SUCO: variants seen among roughly 807,000 people sequenced by gnomAD.
SUCO encodes the protein SUN domain containing ossification factor, also known as SUN domain-containing ossification factor.
SUCO carries 57 observed loss-of-function variants against 148.1 expected under a neutral mutation model. The observed-to-expected ratio is 0.38, with a 90% CI of 0.31 to 0.48. SUCO has a LOEUF of 0.48. Ranked by LOEUF, SUCO falls within the 20% of genes least tolerant of loss-of-function variation. SUCO has a pLI of 0.96. For synonymous variants in SUCO, 470 were observed against 502.7 expected (o/e 0.93, Z 0.87); for missense variants, 1,331 against 1,468.2 (o/e 0.91, Z 1.53).
At chr1:172,583,529 C>G (rs1656027894) in intron 15 of SUCO, among the ~76,000 whole-genome samples, 1 of 152,126 alleles carries the variant, frequency 6.6e-6, no homozygotes, top group African/African-American at 2.4e-5. Flanking sequence ...GGATGAGCTC[C>G]AGGCAGCACT....
chr1:172,589,735 A>G lies in SUCO; in HGVS notation c.2634A>G (p.Arg878=), dbSNP rs1656502081. 1 of 1,612,268 alleles carries G rather than the reference A, an allele frequency of 6.2e-7. No individual in the cohort carries two copies. Among genetic ancestry groups the G allele is most frequent in the African/African-American group, 1.3e-5 (1 of 74,800 alleles). Residue 878 remains arginine (R), a synonymous_variant, in exon 18 of 24, where the codon AGA becomes AGG. Coordinates refer to ENST00000263688, the MANE Select transcript of SUCO (RefSeq NM_014283.5). ...EEQSPEDALL[R]GLQRTATDFY... ...AGTCTCCAGAAGATGCCCTTTTGAG[A>G]GGGTTACAGAGGACAGCTACAGATT...
At chr1:172,596,210 G>T (rs1475228524) in intron 19 of SUCO, among the ~76,000 whole-genome samples, 2 of 152,146 alleles carry the variant, frequency 1.3e-5, no homozygotes, top group African/African-American at 2.4e-5. Context: ...TAGCTTCTTT[G>T]TGATGGGTTT....
At chr1:172,586,128 A>G (rs755078130) in intron 17 of SUCO, among the ~76,000 whole-genome samples, 180 bp downstream of exon 17, 28 of 151,958 alleles carry the variant, frequency 1.8e-4, no homozygotes, top group Non-Finnish European at 2.6e-4. Context: ...ATTAGTGTAT[A>G]TGCATACTGG....
At chr1:172,552,833 G>A (rs1018984022) in intron 2 of SUCO, 2 of 163,540 alleles carry the variant, frequency 1.2e-5, no homozygotes, top group Admixed American at 1.3e-4. Context: ...ATAGGCTCAG[G>A]TAAACAAAGA....
chr1:172,596,928 G>C (rs1446663777), intron 19 of SUCO, among the ~76,000 whole-genome samples: 3 of 152,200 alleles, frequency 2.0e-5, no homozygotes, highest in Admixed American at 2.0e-4. Context: ...AGCTGCGCTG[G>C]GCTCCACCCA....
intron 19 of SUCO, among the ~76,000 whole-genome samples, chr1:172,594,205 T>C (rs1656900384): frequency 6.6e-6 from 1 of 151,982 alleles, no homozygotes; most frequent in Admixed American, 6.6e-5. Flanking sequence ...ATCAATTTTG[T>C]TGATCTTTTC....
upstream of SUCO, chr1:172,532,969 T>A: frequency 1.5e-6 from 2 of 1,366,294 alleles, no homozygotes; most frequent in Non-Finnish European, 1.9e-6. Flanking sequence ...GAAGGGGGCG[T>A]GGCCTGCGCA....
At chr1:172,578,162 G>T in intron 13 of SUCO, 136 bp from the exon 14 acceptor site, 2 of 668,836 alleles carry the variant, frequency 3.0e-6, no homozygotes, top group Non-Finnish European at 5.3e-6. Context: ...AATGTAAGGA[G>T]CAGCCATTAT....
intron 1 of SUCO, among the ~76,000 whole-genome samples, chr1:172,533,718 GGA>G (rs1491390805): frequency 6.6e-6 from 1 of 152,114 alleles, no homozygotes; most frequent in Non-Finnish European, 1.5e-5. Context: ...AGACTCAGTG[GGA>G]GAGAGAGAGG....
At position 172,602,747 on chromosome 1, in the gene SUCO, A is replaced by C; in HGVS notation, c.3225A>C (p.Pro1075=). ...ATTTGAAAAGAAGAACTTCATTCCCACTCATGAGATCCAAGTCTCTACAGT... is the reference window on the plus strand; with the variant it reads ...ATTTGAAAAGAAGAACTTCATTCCCCCTCATGAGATCCAAGTCTCTACAGT... ...DMNLKRRTSF[P]LMRSKSLQLT... Residue 1075 remains proline, a synonymous_variant, in exon 22 of 24, where the codon CCA becomes CCC. Transcript: ENST00000263688. 1 of 1,613,126 alleles carries C rather than the reference A, an allele frequency of 6.2e-7. No individual in the cohort carries two copies. Among genetic ancestry groups the C allele is most frequent in the Non-Finnish European group, 8.5e-7 (1 of 1,179,666 alleles).
At chr1:172,607,662 AT>A (rs765935403) in intron 22 of SUCO, among the ~76,000 whole-genome samples, 1 of 151,154 alleles carries the variant, frequency 6.6e-6, no homozygotes, top group Non-Finnish European at 1.5e-5. Context: ...GCTTTTAGTG[AT>A]TTTTTTTAAA....
At chr1:172,545,230 C>T (rs182027714) in intron 1 of SUCO, among the ~76,000 whole-genome samples, 1 of 152,192 alleles carries the variant, frequency 6.6e-6, no homozygotes, top group East Asian at 1.9e-4. Flanking sequence ...AAGAGAGATG[C>T]AACTTTTAAA....
intron 1 of SUCO, among the ~76,000 whole-genome samples, chr1:172,536,256 A>G (rs1024763226): frequency 6.6e-6 from 1 of 152,128 alleles, no homozygotes; most frequent in South Asian, 2.1e-4. Context: ...GCTCCTGAGT[A>G]CTTTATAGGT....
chr1:172,565,321 T>A (rs1214934441), intron 6 of SUCO, among the ~76,000 whole-genome samples: 1 of 152,130 alleles, frequency 6.6e-6, no homozygotes, highest in African/African-American at 2.4e-5. Flanking sequence ...AGAGGGGCAG[T>A]TACAAGCAAA....
chr1:172,542,940 A>T (rs923490257), intron 1 of SUCO: 1 of 985,190 alleles, frequency 1.0e-6, no homozygotes, highest in African/African-American at 1.7e-5. Context: ...GAAGTGATTG[A>T]TAGCTTTTGG....
intron 1 of SUCO, among the ~76,000 whole-genome samples, 155 bp from the exon 2 acceptor site, chr1:172,551,356 TC>T (rs1459334277): frequency 1.3e-5 from 2 of 152,128 alleles, no homozygotes; most frequent in Non-Finnish European, 2.9e-5. Context: ...GTATTGATTT[TC>T]GTCATTAAAT....
At chr1:172,601,944 TG>T in intron 20 of SUCO, 119 bp from the exon 21 acceptor site, 1 of 983,222 alleles carries the variant, frequency 1.0e-6, no homozygotes, top group Non-Finnish European at 1.4e-6. Flanking sequence ...CCTGCATTTC[TG>T]GTCTTTGAAG....
intron 5 of SUCO, 68 bp from the exon 6 acceptor site, chr1:172,557,576 T>C (rs1653842002): frequency 6.7e-7 from 1 of 1,481,872 alleles, no homozygotes; most frequent in Non-Finnish European, 9.1e-7. Flanking sequence ...GTTCAAAGAA[T>C]TTAGATTGTA....
intron 5 of SUCO, 91 bp downstream of exon 5, chr1:172,557,508 T>C (rs1653837252): frequency 1.9e-6 from 3 of 1,541,420 alleles, no homozygotes; most frequent in African/African-American, 1.4e-5. Flanking sequence ...TAAATTCCAC[T>C]TTGATTGAGA....
Sources: gnomAD v4.1 joint callset for allele counts (sites outside exome capture counted in the v4.1 genomes callset) on GRCh38, gnomAD v4.1.1 for gene constraint, MANE v1.5 for transcripts, NCBI Gene and HGNC (gene_info 2026-07-23, HGNC 2026-07-21) for gene names.